The following TASP1 variants were observed in gnomAD, a reference collection of about 807,000 sequenced individuals.
TASP1 encodes threonine aspartase 1.
Under a neutral mutation model 56.6 loss-of-function variants are expected in TASP1, and 16 were observed. That is an observed-to-expected ratio of 0.28 (90% confidence interval 0.19 to 0.43). The LOEUF (loss-of-function observed/expected upper bound fraction) is 0.43, where lower values mean the gene tolerates loss of function less well. TASP1 is among the 20% of genes least tolerant of loss of function. The probability of loss-of-function intolerance (pLI) is 1.00; values close to 1 mark genes in which losing one functional copy is unlikely to be tolerated. For missense variants in TASP1, 393 were observed against 511.6 expected, an observed-to-expected ratio of 0.77 and a Z score of 2.24; for synonymous variants, 179 against 184.2, an observed-to-expected ratio of 0.97 and a Z score of 0.23.
At chr20:13,349,346 G>C in the TASP1 span, among the ~76,000 whole-genome samples, 3 of 152,304 alleles carry the variant, frequency 2.0e-5, no homozygotes, top group South Asian at 6.2e-4. Flanking sequence ...CTTCAAGGGA[G>C]ATCCTGGGTA....
intron 11 of TASP1, among the ~76,000 whole-genome samples, chr20:13,467,442 TC>T (rs1322356234): frequency 6.6e-5 from 10 of 151,282 alleles, no homozygotes; most frequent in East Asian, 1.9e-4. Context: ...AGCTAATTAC[TC>T]CCAAATTATT....
At chr20:13,531,859 T>C (rs941534155) in intron 9 of TASP1, among the ~76,000 whole-genome samples, 1 of 152,182 alleles carries the variant, frequency 6.6e-6, no homozygotes, top group Non-Finnish European at 1.5e-5. Flanking sequence ...GAGATGGGTG[T>C]CACCATGTTG....
At chr20:13,364,549 T>C in the TASP1 span, among the ~76,000 whole-genome samples, 28 of 152,142 alleles carry the variant, frequency 1.8e-4, no homozygotes, top group Non-Finnish European at 3.4e-4. Flanking sequence ...AGACAGATAG[T>C]CAAGGTCCAC....
intron 6 of TASP1, among the ~76,000 whole-genome samples, chr20:13,575,134 T>C (rs1315562261): frequency 2.6e-5 from 4 of 152,232 alleles, no homozygotes; most frequent in Non-Finnish European, 5.9e-5. Flanking sequence ...AAGTAGAATT[T>C]ATCCCAGGAA....
rs569299855 is a variant in TASP1, at chr20:13,549,086, C to T, written c.675+9922G>A. 3.5e-4 allele frequency among the ~76,000 whole-genome samples: 54 copies of T among 152,204 alleles called. 3 individuals carry two copies. The highest frequency in any genetic ancestry group is 1.3e-3 in the African/African-American group (53 of 41,540). On this transcript the variant is annotated intron_variant, in intron 8 of 13. Transcript: ENST00000337743. Reference sequence around the variant, plus strand: ...CATGGTAATTACCTAGTTCAACATGCTGACTTAACTGCTGAGGAAACTAAA... The same window carrying T: ...CATGGTAATTACCTAGTTCAACATGTTGACTTAACTGCTGAGGAAACTAAA...
the TASP1 span, among the ~76,000 whole-genome samples, chr20:13,363,564 C>T: frequency 6.6e-6 from 1 of 152,190 alleles, no homozygotes; most frequent in Admixed American, 6.5e-5. Context: ...GTCATGAAAA[C>T]CCCCAATGTT....
chr20:13,416,030 C>T (rs2042242670), intron 13 of TASP1, among the ~76,000 whole-genome samples: 1 of 152,140 alleles, frequency 6.6e-6, no homozygotes. Context: ...CATACTTATT[C>T]ATTAAACCTG....
intron 7 of TASP1, among the ~76,000 whole-genome samples, chr20:13,562,645 T>C (rs958424505): frequency 2.0e-5 from 3 of 151,774 alleles, no homozygotes; most frequent in Admixed American, 6.6e-5. Context: ...GGGAAACCAA[T>C]GTGGGTGAAT....
At chr20:13,190,387 T>C in the TASP1 span, among the ~76,000 whole-genome samples, 1 of 152,088 alleles carries the variant, frequency 6.6e-6, no homozygotes, top group Non-Finnish European at 1.5e-5. Flanking sequence ...AACAGACACA[T>C]AGACCAATGG....
At chr20:13,108,151 G>A in the TASP1 span, among the ~76,000 whole-genome samples, 9 of 152,118 alleles carry the variant, frequency 5.9e-5, no homozygotes, top group Non-Finnish European at 1.3e-4. Flanking sequence ...TCAGAGATGA[G>A]GTTCTGATAT....
intron 10 of TASP1, among the ~76,000 whole-genome samples, chr20:13,515,564 A>C (rs2044493703): frequency 1.3e-5 from 2 of 151,812 alleles, no homozygotes; most frequent in African/African-American, 2.4e-5. Flanking sequence ...AAAAAAAAAA[A>C]AAAAAAACTT....
chr20:13,180,979 C>T, the TASP1 span, among the ~76,000 whole-genome samples: 6 of 152,218 alleles, frequency 3.9e-5, no homozygotes, highest in Admixed American at 3.3e-4. Context: ...ATGCTGGTGT[C>T]TTCTTAGAGC....
chr20:13,618,873 C>CT (rs113144299), intron 4 of TASP1, among the ~76,000 whole-genome samples: 85 of 145,538 alleles, frequency 5.8e-4, no homozygotes, highest in South Asian at 1.1e-3. Flanking sequence ...TATCACTATT[C>CT]TTTTTTTTTT....
At chr20:13,257,022 AT>A in the TASP1 span, among the ~76,000 whole-genome samples, 7 of 152,216 alleles carry the variant, frequency 4.6e-5, no homozygotes, top group African/African-American at 1.7e-4. Context: ...GAAAAGTCTA[AT>A]GAGAGAAGAG....
chr20:13,380,188 G>T, the TASP1 span, among the ~76,000 whole-genome samples: 16 of 152,270 alleles, frequency 1.1e-4, no homozygotes, highest in African/African-American at 3.8e-4. Context: ...TTTTGTGCTG[G>T]TTTTTCCTCA....
chr20:13,296,333 A>G, the TASP1 span, among the ~76,000 whole-genome samples: 1 of 152,212 alleles, frequency 6.6e-6, no homozygotes, highest in Non-Finnish European at 1.5e-5. Context: ...GTCCCCTGTC[A>G]GTGATGAATG....
chr20:13,432,190 T>A (rs2042833923), intron 12 of TASP1, among the ~76,000 whole-genome samples: 1 of 152,196 alleles, frequency 6.6e-6, no homozygotes, highest in Admixed American at 6.5e-5. Context: ...AAATTAAACA[T>A]ATTATTTCAA....
chr20:13,106,586 C>T, the TASP1 span, among the ~76,000 whole-genome samples: 1 of 152,132 alleles, frequency 6.6e-6, no homozygotes, highest in Non-Finnish European at 1.5e-5. Flanking sequence ...GAAAGACAGG[C>T]AGAGGCTATA....
At chr20:13,312,060 AGAAT>A in the TASP1 span, among the ~76,000 whole-genome samples, 1 of 141,196 alleles carries the variant, frequency 7.1e-6, no homozygotes, top group Non-Finnish European at 1.6e-5. Flanking sequence ...TTGTCAGTTA[AGAAT>A]TAATTAACTT....
Sources: allele counts gnomAD v4.1 joint callset (sites outside exome capture counted in the v4.1 genomes callset), GRCh38; gene constraint gnomAD v4.1.1; transcripts MANE v1.5; gene names NCBI Gene and HGNC (gene_info 2026-07-23, HGNC 2026-07-21).